QDPR: variants seen among roughly 807,000 people sequenced by gnomAD.
QDPR encodes quinoid dihydropteridine reductase.
Under a neutral mutation model 31.7 loss-of-function variants are expected in QDPR, and 23 were observed. The observed-to-expected ratio is 0.73, with a 90% CI of 0.52 to 1.03. QDPR has a LOEUF of 1.03. Among genes scored for constraint, QDPR ranks in the 50% least tolerant of loss-of-function variants. The pLI is 0.00. For synonymous variants in QDPR, 124 were observed against 124.7 expected, an observed-to-expected ratio of 0.99 and a Z score of 0.03; for missense variants, 324 against 323.8, an observed-to-expected ratio of 1.00 and a Z score of 0.00.
intron 4 of QDPR, among the ~76,000 whole-genome samples, chr4:17,492,926 C>T (rs1718221012): frequency 6.6e-6 from 1 of 152,092 alleles, no homozygotes; most frequent in Non-Finnish European, 1.5e-5. Flanking sequence ...CAGAGGTACT[C>T]AATGGGACAG....
chr4:17,505,006 C>T (rs751666169), intron 2 of QDPR, among the ~76,000 whole-genome samples: 4 of 152,056 alleles, frequency 2.6e-5, no homozygotes, highest in Non-Finnish European at 5.9e-5. Context: ...CAGTCAATAG[C>T]AATATGTTGG....
At chr4:17,492,385 G>A (rs1049522101) in intron 4 of QDPR, 45 bp from the exon 5 acceptor site, 5 of 1,472,524 alleles carry the variant, frequency 3.4e-6, no homozygotes, top group Middle Eastern at 1.7e-4. Flanking sequence ...TGGCGGCCAG[G>A]GGGACAGCAA....
At chr4:17,509,418 G>C in intron 1 of QDPR, 55 bp from the exon 2 acceptor site, 1 of 1,487,814 alleles carries the variant, frequency 6.7e-7, no homozygotes, top group Non-Finnish European at 9.4e-7. Context: ...TTCCATGAAA[G>C]AGTCACACAT....
chr4:17,496,442 C>CAAAAAAAAACAAAAAAAAA (rs1718357208), intron 4 of QDPR, among the ~76,000 whole-genome samples: 1 of 64,608 alleles, frequency 1.5e-5, no homozygotes, highest in Non-Finnish European at 2.8e-5. Context: ...AAAACTGTCT[C>CAAAAAAAAACAAAAAAAAA]AAAAAAAAAA....
chr4:17,506,246 C>G (rs1056084228), intron 2 of QDPR, among the ~76,000 whole-genome samples: 1 of 152,218 alleles, frequency 6.6e-6, no homozygotes, highest in African/African-American at 2.4e-5. Context: ...CCTCCCACCT[C>G]AGCCTCCCGA....
intron 4 of QDPR, among the ~76,000 whole-genome samples, chr4:17,498,647 G>T (rs1352791527): frequency 3.3e-5 from 5 of 152,222 alleles, no homozygotes; most frequent in Non-Finnish European, 7.3e-5. Flanking sequence ...ATTACTGAAT[G>T]ATCAGTGTGG....
In QDPR at chr4:17,492,343, G is replaced by A. The variant is rs986577537; in HGVS notation, c.437-3C>T. The A allele has an allele frequency of 1.9e-6, 3 of 1,613,140 alleles. No individual in the cohort carries two copies. Among genetic ancestry groups the A allele is most frequent in the Non-Finnish European group, 2.5e-6 (3 of 1,179,148 alleles). ...GGCCATGCCGTACCCGATCATACCT[G>A]GGAAATGGGGAGAAGATGGCTCAGT... On this transcript the variant is annotated splice_polypyrimidine_tract_variant and splice_region_variant and intron_variant, in intron 4 of 6. Coordinates refer to ENST00000281243, the MANE Select transcript of QDPR (RefSeq NM_000320.3).
intron 4 of QDPR, among the ~76,000 whole-genome samples, chr4:17,493,727 A>T (rs558240873): frequency 1.3e-5 from 2 of 152,322 alleles, no homozygotes; most frequent in African/African-American, 4.8e-5. Flanking sequence ...TGTTCAACCC[A>T]GATGCTTATC....
chr4:17,498,226 G>C (rs189497241), intron 4 of QDPR, among the ~76,000 whole-genome samples: 113 of 152,270 alleles, frequency 7.4e-4, no homozygotes, highest in Non-Finnish European at 1.3e-3. Flanking sequence ...CGGGAGGTGG[G>C]GGGATGACAG....
In QDPR at chr4:17,492,349, T is replaced by G; in HGVS notation, c.437-9A>C. 2 of 1,612,262 alleles carry G rather than the reference T, an allele frequency of 1.2e-6. No homozygotes were observed. Among genetic ancestry groups the G allele is most frequent in the Non-Finnish European group, 8.5e-7 (1 of 1,178,448 alleles). ...GCCGTACCCGATCATACCTGGGAAA[T>G]GGGGAGAAGATGGCTCAGTGACCAC... On this transcript the variant is annotated splice_polypyrimidine_tract_variant and intron_variant, in intron 4 of 6. Coordinates refer to ENST00000281243, the MANE Select transcript of QDPR (RefSeq NM_000320.3).
intron 2 of QDPR, among the ~76,000 whole-genome samples, chr4:17,505,307 C>T (rs929559833): frequency 2.2e-5 from 3 of 137,774 alleles, no homozygotes; most frequent in Non-Finnish European, 4.5e-5. Flanking sequence ...AGTGCGATGG[C>T]GCCATCTCGG....
intron 2 of QDPR, among the ~76,000 whole-genome samples, chr4:17,507,602 C>CT (rs5856426): frequency 0.16 from 22,628 of 143,640 alleles, 1,863 homozygotes; most frequent in Admixed American, 0.22. Flanking sequence ...ATTTTTCTTT[C>CT]TTTTTTTTTT....
rs1179699442 is a variant in QDPR, at chr4:17,511,995, G to T, written c.60C>A (p.Gly20=). ...CCTGCACGCATCGAGAACCCAGAGC[G>T]CCCCTGCCGCCGTACACCAGCACCC... ...ARRVLVYGGR[G]ALGSRCVQAF... Residue 20 remains glycine, a synonymous_variant, in exon 1 of 7, where the codon GGC becomes GGA. Coordinates refer to ENST00000281243, the MANE Select transcript of QDPR (RefSeq NM_000320.3). The T allele has an allele frequency of 2.5e-6, 4 of 1,610,022 alleles. No individual in the cohort carries two copies. Among genetic ancestry groups the T allele is most frequent in the Non-Finnish European group, 2.5e-6 (3 of 1,178,900 alleles).
At chr4:17,510,707 C>A (rs1013224942) in intron 1 of QDPR, among the ~76,000 whole-genome samples, 5 of 152,182 alleles carry the variant, frequency 3.3e-5, no homozygotes, top group African/African-American at 1.2e-4. Flanking sequence ...TAACACATGA[C>A]GCTAACAGGA....
intron 2 of QDPR, among the ~76,000 whole-genome samples, chr4:17,505,702 TA>T (rs1250401978): frequency 1.3e-5 from 2 of 152,138 alleles, no homozygotes; most frequent in Non-Finnish European, 2.9e-5. Flanking sequence ...TAGTTTTTTT[TA>T]AAAAAGACTT....
chr4:17,490,611 G>C (rs898813243), intron 6 of QDPR, 51 bp downstream of exon 6: 6 of 1,463,798 alleles, frequency 4.1e-6, no homozygotes, highest in East Asian at 4.5e-5. Context: ...ACAGCAGGCA[G>C]AGAATAGGGG....
At chr4:17,492,477 C>T (rs1042269362) in intron 4 of QDPR, 137 bp from the exon 5 acceptor site, 18 of 726,414 alleles carry the variant, frequency 2.5e-5, no homozygotes, top group Admixed American at 8.2e-5. Context: ...TCAGGTCAGA[C>T]GCCCTCACCA....
rs77527927 is a variant in QDPR at position 17,487,375 on chromosome 4, C to T, written c.630-139G>A. 94 of 704,168 alleles carry T rather than the reference C, an allele frequency of 1.3e-4. No homozygotes were observed. The East Asian group carries it at 1.4e-3, about 10-fold the overall frequency. The allele number at this position is 704,168 out of a possible 1,614,324, so 43.6% of individuals were successfully genotyped here. ...TGTTTAAAAGCCACTAAGGGCTGGG[C>T]GCCATGGCTCACACCTGTGATCCCA... is the stretch of plus-strand genomic sequence containing the variant. On this transcript the variant is annotated intron_variant, in intron 6 of 6. Coordinates refer to ENST00000281243, the MANE Select transcript of QDPR (RefSeq NM_000320.3).
At chr4:17,496,239 A>C (rs577080668) in intron 4 of QDPR, among the ~76,000 whole-genome samples, 7 of 151,926 alleles carry the variant, frequency 4.6e-5, no homozygotes, top group Non-Finnish European at 1.0e-4. Flanking sequence ...TGAGGTCAGA[A>C]GTTCAAGACC....
Sources: allele counts gnomAD v4.1 joint callset (sites outside exome capture counted in the v4.1 genomes callset), GRCh38; gene constraint gnomAD v4.1.1; transcripts MANE v1.5; gene names NCBI Gene and HGNC (gene_info 2026-07-23, HGNC 2026-07-21).